The following EDARADD variants were observed in gnomAD, a reference collection of about 807,000 sequenced individuals.
EDARADD encodes the protein ectodysplasin-A receptor-associated adapter protein.
Under a neutral mutation model 25.6 loss-of-function variants are expected in EDARADD, and 20 were observed. That is an observed-to-expected ratio of 0.78 (90% CI 0.55 to 1.14). The LOEUF (loss-of-function observed/expected upper bound fraction) is 1.14, where lower values mean the gene tolerates loss of function less well. EDARADD is among the 50% of genes most tolerant of loss of function. The pLI, the probability that EDARADD is intolerant of heterozygous loss-of-function variation, is 0.00. For missense variants in EDARADD, 225 were observed against 270.1 expected, an observed-to-expected ratio of 0.83 and a Z score of 1.17; for synonymous variants, 86 against 94.4, an observed-to-expected ratio of 0.91 and a Z score of 0.52.
At chr1:236,353,512 T>C (rs1014260117) in intron 3 of EDARADD, among the ~76,000 whole-genome samples, 2 of 151,912 alleles carry the variant, frequency 1.3e-5, no homozygotes, top group Non-Finnish European at 1.5e-5. Flanking sequence ...AAACCCTGTC[T>C]CTACTAAAAT....
At chr1:236,437,215 C>A (rs765168415) in intron 4 of EDARADD, among the ~76,000 whole-genome samples, 2 of 152,122 alleles carry the variant, frequency 1.3e-5, no homozygotes, top group African/African-American at 2.4e-5. Flanking sequence ...AGAGAGGACA[C>A]CTGATCGACA....
chr1:236,414,837 C>T (rs1278551225), intron 3 of EDARADD, among the ~76,000 whole-genome samples: 2 of 151,938 alleles, frequency 1.3e-5, no homozygotes, highest in African/African-American at 4.8e-5. Flanking sequence ...CGCACCACTG[C>T]ACTCCAGCCT....
Position 236,483,047 on chromosome 1 carries a change from T to C in EDARADD, c.*398T>C. ...ACAGCATTATATGTAACATCTCTCC[T>C]GATCAGTGCCATTCCCACGGTTTCA... On this transcript the variant is annotated 3_prime_UTR_variant, in exon 6 of 6. Transcript: ENST00000334232. The C allele has an allele frequency of 1.4e-6, 1 of 697,230 alleles. No homozygotes were observed. Among genetic ancestry groups the C allele is most frequent in the Admixed American group, 2.3e-5 (1 of 43,230 alleles). 43.2% of individuals were successfully genotyped at this position (697,230 alleles called of 1,614,324 possible).
chr1:236,391,630 A>G (rs920680504), upstream of EDARADD, among the ~76,000 whole-genome samples: 8 of 152,216 alleles, frequency 5.3e-5, no homozygotes, highest in African/African-American at 1.9e-4. Flanking sequence ...TATCCTTTGA[A>G]GTAAGACACA....
At chr1:236,359,059 A>G (rs1403985205) in intron 3 of EDARADD, among the ~76,000 whole-genome samples, 1 of 152,188 alleles carries the variant, frequency 6.6e-6, no homozygotes, top group Admixed American at 6.5e-5. Context: ...GTGCTCCTGT[A>G]TGAATTAGTA....
chr1:236,478,839 G>A (rs1005174578), intron 5 of EDARADD, among the ~76,000 whole-genome samples: 46 of 152,192 alleles, frequency 3.0e-4, no homozygotes, highest in African/African-American at 1.1e-3. Context: ...ACCCGCCTCG[G>A]CCTCCCAAAG....
In EDARADD at chr1:236,406,755, C is replaced by T. The variant is rs117785824; in HGVS notation, c.62-2461C>T. ...CTTTTCCCTCGCTACCATGTCAACT[C>T]ATCCTTCCAGACTCAGCCCTCAGGC... On this transcript the variant is annotated intron_variant, in intron 1 of 5. Transcript: ENST00000334232. 2.0e-4 allele frequency among the ~76,000 whole-genome samples: 31 copies of T among 152,318 alleles called. No homozygotes were observed. In the East Asian group the frequency reaches 6.0e-3, roughly 29 times the overall value.
At chr1:236,399,374 A>G (rs1014651876) in intron 1 of EDARADD, among the ~76,000 whole-genome samples, 12 of 151,978 alleles carry the variant, frequency 7.9e-5, no homozygotes, top group Admixed American at 5.9e-4. Flanking sequence ...TTTAGTAGAG[A>G]CGGGGTTTCA....
rs74850950 is a variant in EDARADD, at chr1:236,433,958, A to T, written c.219+6508A>T. On this transcript the variant is annotated intron_variant, in intron 4 of 5. Transcript: ENST00000334232. ...TTCTATATCCTGCTTTTGTTGTTTA[A>T]TAATTCAGAAACATTTTATCCAGTT... Among the ~76,000 whole-genome samples, 57 of 152,144 alleles carry T rather than the reference A, an allele frequency of 3.7e-4. No homozygotes were observed. The East Asian group carries it at 0.01, about 27-fold the overall frequency.
intron 5 of EDARADD, among the ~76,000 whole-genome samples, chr1:236,473,360 T>C (rs937241291): frequency 2.0e-5 from 3 of 151,940 alleles, no homozygotes; most frequent in Non-Finnish European, 2.9e-5. Context: ...GGACAGGAAG[T>C]TGCTGGGGCA....
At chr1:236,425,029 G>T (rs1166911067) in intron 3 of EDARADD, among the ~76,000 whole-genome samples, 1 of 152,180 alleles carries the variant, frequency 6.6e-6, no homozygotes, top group East Asian at 1.9e-4. Flanking sequence ...TTGGGAGCCA[G>T]GTGGCCCCCG....
At chr1:236,430,140 T>C (rs991016680) in intron 4 of EDARADD, among the ~76,000 whole-genome samples, 3 of 152,240 alleles carry the variant, frequency 2.0e-5, no homozygotes, top group Admixed American at 6.5e-5. Context: ...TCAGTGGTGC[T>C]AGTTTTAACT....
At chr1:236,444,968 G>A (rs948298831) in intron 4 of EDARADD, among the ~76,000 whole-genome samples, 21 of 151,926 alleles carry the variant, frequency 1.4e-4, no homozygotes, top group Middle Eastern at 3.2e-3. Context: ...ATTTCATCTC[G>A]GAGGGAGTTA....
chr1:236,480,795 C>G (rs1444640416), intron 5 of EDARADD, among the ~76,000 whole-genome samples: 3 of 152,240 alleles, frequency 2.0e-5, no homozygotes, highest in Admixed American at 6.5e-5. Flanking sequence ...GTCAACGCCT[C>G]TCACCTACAA....
intron 3 of EDARADD, among the ~76,000 whole-genome samples, chr1:236,363,728 TA>T (rs1331036685): frequency 1.3e-5 from 2 of 152,018 alleles, no homozygotes; most frequent in Admixed American, 6.6e-5. Flanking sequence ...AGATCCACTT[TA>T]AAAAGGAGTA....
intron 3 of EDARADD, among the ~76,000 whole-genome samples, chr1:236,362,998 A>ATATATATATATATAT (rs1667068565): frequency 3.4e-5 from 2 of 58,130 alleles, no homozygotes; most frequent in African/African-American, 7.3e-5. Context: ...AAAAAAAAAA[A>ATATATATATATATAT]AAAAAAAAAT....
chr1:236,468,522 A>G (rs1233686666), intron 5 of EDARADD, among the ~76,000 whole-genome samples: 2 of 152,164 alleles, frequency 1.3e-5, no homozygotes, highest in Admixed American at 1.3e-4. Flanking sequence ...TCGGAGGCTG[A>G]GGCAGGAGAA....
chr1:236,481,600 CA>C (rs35354317), intron 5 of EDARADD, among the ~76,000 whole-genome samples: 91,414 of 137,086 alleles, frequency 0.67, 29,865 homozygotes, highest in Non-Finnish European at 0.69. Flanking sequence ...CCACCTCTAC[CA>C]AAAAAAAAAA....
At position 236,460,107 on chromosome 1, in the gene EDARADD, A is replaced by G. The variant is rs111530619; in HGVS notation, c.220-8124A>G. On this transcript the variant is annotated intron_variant, in intron 4 of 5. Coordinates refer to ENST00000334232, the MANE Select transcript of EDARADD (RefSeq NM_145861.4). ...TTTTTGTCTCTATATCCCAGAGCCT[A>G]GAATGGATTCTTACACTGGGCAGTA... Among the ~76,000 whole-genome samples, 121 of 152,278 alleles carry G rather than the reference A, an allele frequency of 7.9e-4. 2 individuals are homozygous for G. The highest frequency in any genetic ancestry group is 2.8e-3 in the African/African-American group (118 of 41,564).
Sources: gnomAD v4.1 joint callset for allele counts (sites outside exome capture counted in the v4.1 genomes callset) on GRCh38, gnomAD v4.1.1 for gene constraint, MANE v1.5 for transcripts, NCBI Gene and HGNC (gene_info 2026-07-23, HGNC 2026-07-21) for gene names.